The following TBC1D22B variants were observed in gnomAD, a reference collection of about 807,000 sequenced individuals.
TBC1D22B encodes the protein chromosome 6 open reading frame 197.
TBC1D22B carries 32 observed loss-of-function variants against 69.1 expected under a neutral mutation model. That is an observed-to-expected ratio of 0.46 (90% CI 0.35 to 0.62). The LOEUF is 0.62. Ranked by LOEUF, TBC1D22B falls within the 20% of genes least tolerant of loss-of-function variation. The probability of loss-of-function intolerance (pLI) is 0.00; values close to 1 mark genes in which losing one functional copy is unlikely to be tolerated. For missense variants in TBC1D22B, 462 were observed against 630.9 expected (o/e 0.73, Z 2.87); for synonymous variants, 206 against 229.8 (o/e 0.90, Z 0.94).
intron 10 of TBC1D22B, among the ~76,000 whole-genome samples, chr6:37,315,073 A>G (rs1267683907): frequency 4.6e-5 from 7 of 152,154 alleles, no homozygotes; most frequent in Admixed American, 4.6e-4. Flanking sequence ...TCTGGGGGAT[A>G]AGCTGGCTGC....
chr6:37,269,425 A>AT (rs1236656924), intron 1 of TBC1D22B, among the ~76,000 whole-genome samples, 169 bp from the exon 2 acceptor site: 1 of 152,106 alleles, frequency 6.6e-6, no homozygotes, highest in African/African-American at 2.4e-5. Flanking sequence ...TATCAAATAT[A>AT]TTTTTTTAAC....
rs1244097706 is a variant in TBC1D22B at position 37,316,818 on chromosome 6, G to A, written c.1281G>A (p.Trp427Ter). 1 of 1,614,178 alleles carries A rather than the reference G, an allele frequency of 6.2e-7. No homozygotes were observed. The highest frequency in any genetic ancestry group is 1.1e-5 in the South Asian group (1 of 91,084). ...ELPLRCTIRL[W>*]DTYQSEPEGF... ...CTCTTCGCTGCACCATCCGCCTGTG[G>A]GACACATATCAGGTAGGAGGGATTC... The change falls in exon 11 of 13, where the codon TGG becomes TGA. Residue 427 changes from tryptophan (W) to a stop codon, truncating the protein, a stop_gained. Coordinates refer to ENST00000373491, the MANE Select transcript of TBC1D22B (RefSeq NM_017772.4). LOFTEE classifies it high-confidence loss of function.
At chr6:37,295,304 T>C (rs1184257944) in intron 8 of TBC1D22B, among the ~76,000 whole-genome samples, 2 of 151,824 alleles carry the variant, frequency 1.3e-5, no homozygotes, top group East Asian at 1.9e-4. Context: ...GGGGTTTTCA[T>C]TGTGTTGCCC....
At chr6:37,315,411 G>T (rs1051056686) in intron 10 of TBC1D22B, among the ~76,000 whole-genome samples, 1 of 151,964 alleles carries the variant, frequency 6.6e-6, no homozygotes, top group Non-Finnish European at 1.5e-5. Context: ...TTAAGAAGTA[G>T]CTGGGCATGG....
chr6:37,312,962 A>G lies in TBC1D22B; in HGVS notation c.1027A>G (p.Met343Val), dbSNP rs1390377579. 4 of 1,614,238 alleles carry G rather than the reference A, an allele frequency of 2.5e-6. No individual in the cohort carries two copies. The highest frequency in any genetic ancestry group is 2.2e-5 in the East Asian group (1 of 44,884). Residue 343 changes from methionine (M) to valine (V), a missense_variant, in exon 9 of 13, where the codon ATG (methionine) becomes GTG (valine). Met to Val is a conservative substitution (Grantham distance 21). This residue lies in a region of TBC1D22B where 225 missense variants were observed against 375.4 expected (regional missense o/e 0.60). Coordinates refer to ENST00000373491, the MANE Select transcript of TBC1D22B (RefSeq NM_017772.4). ...NFDVTNLSQD[M>V]LRSIEADSFW... ...TGACGTGACCAACTTGTCTCAAGAC[A>G]TGCTGCGAAGCATTGAGGCTGACAG...
chr6:37,315,506 A>C (rs1200433579), intron 10 of TBC1D22B, among the ~76,000 whole-genome samples: 1 of 151,186 alleles, frequency 6.6e-6, no homozygotes, highest in Non-Finnish European at 1.5e-5. Flanking sequence ...ACAGTGAGCC[A>C]AGATCGCACC....
At chr6:37,309,941 A>G (rs928878039) in intron 8 of TBC1D22B, among the ~76,000 whole-genome samples, 4 of 148,416 alleles carry the variant, frequency 2.7e-5, no homozygotes, top group South Asian at 2.1e-4. Context: ...AATTAATTAT[A>G]TAATATTAAA....
Position 37,316,688 on chromosome 6 carries a change from T to G in TBC1D22B, c.1166-15T>G. The G allele has an allele frequency of 6.2e-7, 1 of 1,614,134 alleles. No homozygotes were observed. The highest frequency in any genetic ancestry group is 1.1e-5 in the South Asian group (1 of 91,076). ...AGTCCCCTAGGTTGATCCCCAATGA[T>G]GCTTCCTGTTTCAGAGCAGGTACAT... On this transcript the variant is annotated splice_polypyrimidine_tract_variant and intron_variant, in intron 10 of 12. Coordinates refer to ENST00000373491, the MANE Select transcript of TBC1D22B (RefSeq NM_017772.4).
At chr6:37,291,796 G>A (rs956750949) in intron 8 of TBC1D22B, among the ~76,000 whole-genome samples, 2 of 152,148 alleles carry the variant, frequency 1.3e-5, no homozygotes, top group African/African-American at 2.4e-5. Context: ...CAGCACATAC[G>A]GGAAGTGATG....
chr6:37,318,107 A>G (rs886411137), intron 12 of TBC1D22B, among the ~76,000 whole-genome samples: 2 of 152,210 alleles, frequency 1.3e-5, no homozygotes, highest in African/African-American at 4.8e-5. Context: ...CCTGGCTTCT[A>G]TGTAGACTGT....
chr6:37,264,144 A>G (rs1378840989), intron 1 of TBC1D22B, among the ~76,000 whole-genome samples: 1 of 152,210 alleles, frequency 6.6e-6, no homozygotes, highest in Non-Finnish European at 1.5e-5. Flanking sequence ...TCATATTTAC[A>G]GTGTGATGTT....
chr6:37,277,878 C>T (rs1766715216), intron 2 of TBC1D22B, among the ~76,000 whole-genome samples: 1 of 151,726 alleles, frequency 6.6e-6, no homozygotes, highest in Non-Finnish European at 1.5e-5. Context: ...CCTGTAATCC[C>T]AGCAATTTGG....
intron 1 of TBC1D22B, among the ~76,000 whole-genome samples, chr6:37,261,661 T>C (rs191005705): frequency 2.6e-5 from 4 of 152,212 alleles, no homozygotes; most frequent in Admixed American, 2.6e-4. Context: ...TATTAGCTAT[T>C]ATAAGAAGGA....
rs188145545 is a variant in TBC1D22B, at chr6:37,280,811, C to G, written c.421+1200C>G. ...TTTCTAGTCCCCTTGTTACACTAGG[C>G]GTCCCAGCCAACTGCCTCATGGAAG... On this transcript the variant is annotated intron_variant, in intron 3 of 12. Transcript: ENST00000373491. Among the ~76,000 whole-genome samples, 3 of 152,300 alleles carry G rather than the reference C, an allele frequency of 2.0e-5. No homozygotes were observed. In the East Asian group the frequency reaches 5.8e-4, roughly 29 times the overall value.
rs987216881 is a variant in TBC1D22B, at chr6:37,257,966, C to T, written c.49C>T (p.Pro17Ser). The T allele has an allele frequency of 6.2e-7, 1 of 1,614,000 alleles. No individual in the cohort carries two copies. The highest frequency in any genetic ancestry group is 1.1e-5 in the South Asian group (1 of 91,040). ...KQFWKRSAKL[P>S]GSIQPVYGAQ... is the part of the protein sequence containing the mutation. ...GTTTTGGAAGAGGAGCGCTAAGCTG[C>T]CGGGGAGGTGAGCCCAGGACGCTGA... The change falls in exon 1 of 13, where the codon CCG becomes TCG. Residue 17 changes from proline to serine, a missense_variant. Physicochemically the swap from Pro to Ser is moderately conservative, Grantham distance 74 (BLOSUM62 -1). This residue lies in a region of TBC1D22B where 237 missense variants were observed against 255.4 expected (regional missense o/e 0.93). Transcript: ENST00000373491.
At position 37,279,413 on chromosome 6, in the gene TBC1D22B, G is replaced by C; in HGVS notation, c.223G>C (p.Asp75His). Residue 75 changes from aspartate (D) to histidine (H), a missense_variant, in exon 3 of 13, where the codon GAT (aspartate) becomes CAT (histidine). Physicochemically the swap from Asp to His is moderately conservative, Grantham distance 81. This residue lies in a region of TBC1D22B where 237 missense variants were observed against 255.4 expected (regional missense o/e 0.93). Coordinates refer to ENST00000373491, the MANE Select transcript of TBC1D22B (RefSeq NM_017772.4). Reference sequence around the variant, plus strand: ...CAGTGATGCTTGGGACATTGGCGATGATGAGGAAGAGGACTTTTCCTCACC... The same window carrying C: ...CAGTGATGCTTGGGACATTGGCGATCATGAGGAAGAGGACTTTTCCTCACC... ...NTSDAWDIGD[D>H]EEEDFSSPSF... 1.2e-6 allele frequency: 2 copies of C among 1,614,198 alleles called. No homozygotes were observed. The highest frequency in any genetic ancestry group is 1.1e-5 in the South Asian group (1 of 91,076).
chr6:37,282,339 T>A lies in TBC1D22B; in HGVS notation c.576T>A (p.Leu192=). Residue 192 remains leucine (L), a synonymous_variant, in exon 4 of 13, where the codon CTT becomes CTA. Coordinates refer to ENST00000373491, the MANE Select transcript of TBC1D22B (RefSeq NM_017772.4). ...CCCGCCTAGAAAAATTCCGTCAACT[T>A]CTCTCCAGCCAGAACACTGACTTAG... is the stretch of plus-strand genomic sequence containing the variant. The part of the protein sequence containing the change: ...EKTRLEKFRQ[L]LSSQNTDLDE... The A allele has an allele frequency of 6.2e-7, 1 of 1,610,354 alleles. No homozygotes were observed. Among genetic ancestry groups the A allele is most frequent in the Non-Finnish European group, 8.5e-7 (1 of 1,177,932 alleles).
chr6:37,280,313 G>A (rs1366201680), intron 3 of TBC1D22B, among the ~76,000 whole-genome samples: 1 of 152,184 alleles, frequency 6.6e-6, no homozygotes, highest in African/African-American at 2.4e-5. Flanking sequence ...GTTGGGAGCT[G>A]GAGAGGGAAG....
At chr6:37,271,234 C>A (rs1232217766) in intron 2 of TBC1D22B, among the ~76,000 whole-genome samples, 5 of 152,032 alleles carry the variant, frequency 3.3e-5, no homozygotes, top group Non-Finnish European at 7.4e-5. Flanking sequence ...AATTGCTTGA[C>A]CCTGGGAGCC....
Sources: gnomAD v4.1 joint callset for allele counts (sites outside exome capture counted in the v4.1 genomes callset) on GRCh38, gnomAD v4.1.1 for gene constraint, gnomAD v4.1.1 regional missense constraint, MANE v1.5 for transcripts, NCBI Gene and HGNC (gene_info 2026-07-23, HGNC 2026-07-21) for gene names.